The following SHANK2 variants were observed in gnomAD, a reference collection of about 807,000 sequenced individuals.
The protein encoded by SHANK2 is SH3 and multiple ankyrin repeat domains 2, also known as SH3 and multiple ankyrin repeat domains protein 2.
Under a neutral mutation model 133.7 loss-of-function variants are expected in SHANK2, and 43 were observed. That is an observed-to-expected ratio of 0.32 (90% confidence interval 0.25 to 0.41). The LOEUF is 0.41. SHANK2 is among the 10% of genes least tolerant of loss of function. SHANK2 has a pLI of 1.00. For synonymous variants in SHANK2, 1,017 were observed against 952.8 expected (o/e 1.07, Z -1.24); for missense variants, 1,994 against 2,235.8 (o/e 0.89, Z 2.18).
chr11:70,931,103 A>T (rs1413748643), intron 10 of SHANK2, among the ~76,000 whole-genome samples: 4 of 152,176 alleles, frequency 2.6e-5, no homozygotes, highest in African/African-American at 9.7e-5. Flanking sequence ...GCTCAGTGAA[A>T]GCAGCCAGAC....
In SHANK2 at chr11:70,485,963, C is replaced by T. The variant is rs189484730; in HGVS notation, c.4330G>A (p.Asp1444Asn). ...TTCAACGAAGGGGACTGAGGGGTGTCGCTTTTCTTCTGCTTCACTAAGTCT... is the reference window on the plus strand; with the variant it reads ...TTCAACGAAGGGGACTGAGGGGTGTTGCTTTTCTTCTGCTTCACTAAGTCT... Reference protein sequence around the residue: ...LSDLVKQKKSDTPQSPSLNSS... With the variant: ...LSDLVKQKKSNTPQSPSLNSS... Residue 1444 changes from aspartate to asparagine, a missense_variant, in exon 25 of 26, where the codon GAC (aspartate) becomes AAC (asparagine). This residue lies in a region of SHANK2 where 797 missense variants were observed against 907.4 expected (regional missense o/e 0.88). Transcript: ENST00000601538. The surrounding 1 kb of genome is among the most constrained non-coding windows in gnomAD (Gnocchi z 5.8). 5.6e-6 allele frequency: 9 copies of T among 1,614,078 alleles called. No homozygotes were observed. Among genetic ancestry groups the T allele is most frequent in the Admixed American group, 3.3e-5 (2 of 60,012 alleles).
chr11:71,225,717 C>T (rs537425891), intron 1 of SHANK2, among the ~76,000 whole-genome samples: 2 of 152,134 alleles, frequency 1.3e-5, no homozygotes, highest in Non-Finnish European at 2.9e-5. Flanking sequence ...TTGAAAGCAA[C>T]CATGATGAAT....
intron 10 of SHANK2, chr11:70,933,025 A>G: frequency 2.4e-6 from 1 of 418,348 alleles, no homozygotes; most frequent in South Asian, 1.8e-5. Context: ...CTATACCCAA[A>G]AGAATTCAAC....
intron 8 of SHANK2, among the ~76,000 whole-genome samples, chr11:71,087,083 T>C (rs1473905910): frequency 6.6e-6 from 1 of 152,136 alleles, no homozygotes; most frequent in Non-Finnish European, 1.5e-5. Context: ...AAGGTACCAG[T>C]GCAGCTGCAC....
chr11:70,495,770 G>A, intron 21 of SHANK2: 1 of 190,824 alleles, frequency 5.2e-6, no homozygotes, highest in Admixed American at 6.1e-5. Context: ...TAGGGGAAGA[G>A]CAGCTGGAGC....
chr11:70,680,502 C>G (rs1945004364), intron 15 of SHANK2, among the ~76,000 whole-genome samples: 1 of 152,212 alleles, frequency 6.6e-6, no homozygotes, highest in Non-Finnish European at 1.5e-5. Context: ...CCCAGCTCCC[C>G]ACTCTCTGCC....
In SHANK2 at chr11:71,175,249, C is replaced by G. The variant is rs1953405920; in HGVS notation, c.-12-27911G>C. Among the ~76,000 whole-genome samples, 1 of 152,166 alleles carries G rather than the reference C, an allele frequency of 6.6e-6. No homozygotes were observed. The highest frequency in any genetic ancestry group is 1.5e-5 in the Non-Finnish European group (1 of 68,032). On this transcript the variant is annotated intron_variant, in intron 2 of 25. Coordinates refer to ENST00000601538, the MANE Select transcript of SHANK2 (RefSeq NM_012309.5). This position sits in a 1 kb window ranked among gnomAD's most constrained non-coding sequence, Gnocchi z 4.2. ...CAAGTACGAAGAACCAATAAATGAGCAGTGGCAGGTTCCTGGATGGGCATG... is the reference window on the plus strand; with the variant it reads ...CAAGTACGAAGAACCAATAAATGAGGAGTGGCAGGTTCCTGGATGGGCATG...
At chr11:71,189,120 C>T (rs894251122) in intron 2 of SHANK2, among the ~76,000 whole-genome samples, 6 of 152,228 alleles carry the variant, frequency 3.9e-5, no homozygotes, top group African/African-American at 7.2e-5. Context: ...CTGAAATCCC[C>T]GACCACTCAT....
At chr11:70,606,472 G>C (rs1440644717) in intron 17 of SHANK2, among the ~76,000 whole-genome samples, 1 of 114,640 alleles carries the variant, frequency 8.7e-6, no homozygotes, top group Admixed American at 1.2e-4. Context: ...TTGTACCACT[G>C]AACTCCAGCA....
At position 70,469,047 on chromosome 11, in the gene SHANK2, G is replaced by C. The variant is rs782612771; in HGVS notation, c.*3822C>G. 2 of 152,194 alleles carry C rather than the reference G, an allele frequency of 1.3e-5. No individual in the cohort carries two copies. The highest frequency in any genetic ancestry group is 2.9e-5 in the Non-Finnish European group (2 of 68,054). 9.4% of individuals were successfully genotyped at this position (152,194 alleles called of 1,614,324 possible). On this transcript the variant is annotated 3_prime_UTR_variant, in exon 26 of 26. Coordinates refer to ENST00000601538, the MANE Select transcript of SHANK2 (RefSeq NM_012309.5). ...TTATGGCTAGAAGACACCCTGCTGG[G>C]GTGTGGGGAGACTGGACCCTAAGGG...
chr11:70,661,660 C>A lies in SHANK2; in HGVS notation c.1872G>T (p.Glu624Asp). ...FDTSSDCIIE[E>D]KTVVLQKKDN... ...CTTTTTTCTGCAGGACCACCGTCTTCTCCTCAATAATGCAGTCACTGTAGA... is the reference window on the plus strand; with the variant it reads ...CTTTTTTCTGCAGGACCACCGTCTTATCCTCAATAATGCAGTCACTGTAGA... Residue 624 changes from glutamate to aspartate, a missense_variant, in exon 16 of 26, where the codon GAG becomes GAT. By Grantham distance (45) the Glu-to-Asp change is conservative. This residue lies in a region of SHANK2 where 14 missense variants were observed against 42.4 expected (regional missense o/e 0.33). Transcript: ENST00000601538. 2.5e-6 allele frequency: 4 copies of A among 1,614,168 alleles called. No homozygotes were observed. In the East Asian group the frequency reaches 8.9e-5, roughly 36 times the overall value.
chr11:70,627,895 C>T (rs2060925587), intron 17 of SHANK2, among the ~76,000 whole-genome samples: 1 of 152,158 alleles, frequency 6.6e-6, no homozygotes, highest in East Asian at 1.9e-4. Flanking sequence ...TAGATGAGCT[C>T]AACCTGGATT....
chr11:70,555,584 G>T (rs1277241230), intron 17 of SHANK2, among the ~76,000 whole-genome samples: 2 of 152,194 alleles, frequency 1.3e-5, no homozygotes, highest in Non-Finnish European at 2.9e-5. Flanking sequence ...AAATTAGCTG[G>T]ACATGGTGGC....
chr11:70,678,680 C>CTATA (rs1483845049), intron 15 of SHANK2, among the ~76,000 whole-genome samples: 1 of 151,736 alleles, frequency 6.6e-6, no homozygotes, highest in Non-Finnish European at 1.5e-5. Flanking sequence ...GTAGCTGGGA[C>CTATA]TATAGGTGTG....
intron 17 of SHANK2, among the ~76,000 whole-genome samples, chr11:70,610,083 G>A (rs1425446755): frequency 6.6e-6 from 1 of 150,950 alleles, no homozygotes; most frequent in African/African-American, 2.4e-5. Flanking sequence ...GAGGTTCGGG[G>A]TTCCTTTTGG....
chr11:70,805,918 G>A (rs1443344603), intron 13 of SHANK2, among the ~76,000 whole-genome samples: 1 of 152,150 alleles, frequency 6.6e-6, no homozygotes, highest in Non-Finnish European at 1.5e-5. Flanking sequence ...GAGCTCCAGG[G>A]ACTTGTTTGA....
rs143277311 is a variant in SHANK2, at chr11:70,616,345, C to T, written c.2061+43483G>A. Among the ~76,000 whole-genome samples, 24 of 152,116 alleles carry T rather than the reference C, an allele frequency of 1.6e-4. No individual in the cohort carries two copies. The East Asian group carries it at 4.3e-3, about 27-fold the overall frequency. ...GGGCTGTCGGAACTGGCTCCAGGGA[C>T]CCCAAGAGGAGGCCCTCCCCAGCCT... On this transcript the variant is annotated intron_variant, in intron 17 of 25. Transcript: ENST00000601538.
intron 12 of SHANK2, among the ~76,000 whole-genome samples, chr11:70,817,383 G>T (rs1380250025): frequency 6.6e-6 from 1 of 152,218 alleles, no homozygotes; most frequent in Non-Finnish European, 1.5e-5. Context: ...GAAGGGGTGG[G>T]GAAAGGGAAG....
intron 17 of SHANK2, among the ~76,000 whole-genome samples, chr11:70,556,540 T>C (rs1474863506): frequency 6.6e-6 from 1 of 151,746 alleles, no homozygotes; most frequent in African/African-American, 2.4e-5. Context: ...CTTAGCCTCC[T>C]GACTAGCTGG....
Sources: gnomAD v4.1 joint callset for allele counts (sites outside exome capture counted in the v4.1 genomes callset) on GRCh38, gnomAD v4.1.1 for gene constraint, gnomAD v4.1.1 regional missense constraint, Gnocchi (gnomAD v3.1) non-coding constraint, MANE v1.5 for transcripts, NCBI Gene and HGNC (gene_info 2026-07-23, HGNC 2026-07-21) for gene names.